The following PPARGC1A variants were observed in gnomAD, a reference collection of about 807,000 sequenced individuals.
The protein encoded by PPARGC1A is peroxisome proliferator-activated receptor gamma coactivator 1-alpha.
In PPARGC1A, 25 loss-of-function variants were observed where a neutral mutation model predicts 88.7. That is an observed-to-expected ratio of 0.28 (90% CI 0.21 to 0.39). PPARGC1A has a LOEUF of 0.39. PPARGC1A is among the 10% of genes least tolerant of loss of function. The pLI is 1.00. For synonymous variants in PPARGC1A, 363 were observed against 355.6 expected (o/e 1.02, Z -0.24); for missense variants, 880 against 968.7 (o/e 0.91, Z 1.22).
At chr4:24,331,363 C>G in the PPARGC1A span, among the ~76,000 whole-genome samples, 2 of 152,160 alleles carry the variant, frequency 1.3e-5, no homozygotes, top group Non-Finnish European at 2.9e-5. Context: ...CAGGCCTATC[C>G]TGACCACCCT....
chr4:24,230,927 AACAG>A, the PPARGC1A span, among the ~76,000 whole-genome samples: 7 of 151,046 alleles, frequency 4.6e-5, no homozygotes, highest in East Asian at 9.8e-4. Context: ...GAAGTAAGGA[AACAG>A]ACAGATCACA....
At chr4:23,946,514 T>C in the PPARGC1A span, among the ~76,000 whole-genome samples, 5 of 152,036 alleles carry the variant, frequency 3.3e-5, no homozygotes, top group African/African-American at 1.2e-4. Context: ...GATTTCCCAG[T>C]GCCCAGCTCA....
chr4:24,049,292 GTA>G, the PPARGC1A span, among the ~76,000 whole-genome samples: 9 of 92,576 alleles, frequency 9.7e-5, no homozygotes, highest in South Asian at 4.6e-4. Context: ...ATATATGTGT[GTA>G]TATATATATG....
chr4:24,269,844 T>C, the PPARGC1A span, among the ~76,000 whole-genome samples: 1 of 152,208 alleles, frequency 6.6e-6, no homozygotes, highest in Non-Finnish European at 1.5e-5. Context: ...TGTGCAAACT[T>C]GTATAAAGCT....
chr4:24,376,620 A>T, the PPARGC1A span, among the ~76,000 whole-genome samples: 1 of 152,224 alleles, frequency 6.6e-6, no homozygotes, highest in Non-Finnish European at 1.5e-5. Context: ...GTCAGGATAA[A>T]AGAATTCACC....
At chr4:24,411,382 G>A in the PPARGC1A span, among the ~76,000 whole-genome samples, 1 of 152,262 alleles carries the variant, frequency 6.6e-6, no homozygotes, top group East Asian at 1.9e-4. Context: ...AGATGTTTTA[G>A]GGTCACAGCA....
chr4:24,390,699 G>A, the PPARGC1A span, among the ~76,000 whole-genome samples: 783 of 151,856 alleles, frequency 5.2e-3, 7 homozygotes, highest in Middle Eastern at 0.017. Flanking sequence ...TATTATATCG[G>A]GAGCATTTCC....
chr4:24,211,452 A>G, the PPARGC1A span, among the ~76,000 whole-genome samples: 1 of 152,132 alleles, frequency 6.6e-6, no homozygotes, highest in Non-Finnish European at 1.5e-5. Context: ...CACCAACAGA[A>G]CCAGCAAATT....
At chr4:24,199,426 A>G in the PPARGC1A span, among the ~76,000 whole-genome samples, 1 of 152,174 alleles carries the variant, frequency 6.6e-6, no homozygotes, top group East Asian at 1.9e-4. Context: ...CTGTACAGAG[A>G]ACTATGGGAG....
At chr4:24,469,770 A>G in the PPARGC1A span, among the ~76,000 whole-genome samples, 5 of 152,248 alleles carry the variant, frequency 3.3e-5, no homozygotes, top group South Asian at 1.0e-3. Flanking sequence ...TACCTGAAGA[A>G]GCCGGTAGTT....
At chr4:24,067,540 C>T in the PPARGC1A span, among the ~76,000 whole-genome samples, 4,665 of 152,240 alleles carry the variant, frequency 0.031, 81 homozygotes, top group South Asian at 0.079. Flanking sequence ...GCACAGAACA[C>T]GCAGATCTGG....
At chr4:23,902,285 T>A (rs1484669994), upstream of PPARGC1A, among the ~76,000 whole-genome samples, 1 of 152,184 alleles carries the variant, frequency 6.6e-6, no homozygotes, top group Non-Finnish European at 1.5e-5. Flanking sequence ...AAGTAACCTA[T>A]ATCATAGATG....
intron 10 of PPARGC1A, among the ~76,000 whole-genome samples, chr4:23,804,248 A>T (rs558915435): frequency 3.2e-4 from 49 of 152,276 alleles, no homozygotes; most frequent in African/African-American, 1.1e-3. Context: ...GTATTAGTGA[A>T]ATGAACACCA....
chr4:24,052,988 G>A, the PPARGC1A span, among the ~76,000 whole-genome samples: 10 of 146,114 alleles, frequency 6.8e-5, no homozygotes, highest in South Asian at 2.3e-4. Flanking sequence ...CTCAGCCTCC[G>A]GAGTAGCTGG....
At chr4:23,955,271 C>A in the PPARGC1A span, among the ~76,000 whole-genome samples, 1 of 151,948 alleles carries the variant, frequency 6.6e-6, no homozygotes, top group Non-Finnish European at 1.5e-5. Context: ...AATGTTAATT[C>A]TTTACCCTAG....
the PPARGC1A span, among the ~76,000 whole-genome samples, chr4:24,230,898 G>A: frequency 2.0e-5 from 3 of 150,526 alleles, no homozygotes; most frequent in Non-Finnish European, 4.4e-5. Context: ...TGACTAAGGG[G>A]GCTGTACCTC....
At chr4:23,956,574 C>T in the PPARGC1A span, among the ~76,000 whole-genome samples, 1 of 152,138 alleles carries the variant, frequency 6.6e-6, no homozygotes, top group South Asian at 2.1e-4. Flanking sequence ...CCTCTCTACC[C>T]CCAAGATCAT....
chr4:24,019,847 G>GA, the PPARGC1A span, among the ~76,000 whole-genome samples: 1 of 152,084 alleles, frequency 6.6e-6, no homozygotes, highest in Non-Finnish European at 1.5e-5. Context: ...ACTGCAAAGG[G>GA]AATACCACAA....
intron 2 of PPARGC1A, among the ~76,000 whole-genome samples, chr4:23,853,336 G>T (rs1365756252): frequency 6.6e-6 from 1 of 151,988 alleles, no homozygotes; most frequent in Non-Finnish European, 1.5e-5. Flanking sequence ...TTAACTTAGG[G>T]TCATTATACT....
Sources: allele counts gnomAD v4.1 joint callset (sites outside exome capture counted in the v4.1 genomes callset), GRCh38; gene constraint gnomAD v4.1.1; transcripts MANE v1.5; gene names NCBI Gene and HGNC (gene_info 2026-07-23, HGNC 2026-07-21).